Variants in LYPLA1 observed in about 807,000 individuals in gnomAD.
The protein encoded by LYPLA1 is lysophospholipase 1.
A neutral mutation model predicts 34.0 loss-of-function variants in LYPLA1; 17 were observed. The ratio of observed to expected loss-of-function variants is 0.50; its 90% CI spans 0.34 to 0.75. The LOEUF is 0.75. Among genes scored for constraint, LYPLA1 ranks in the 30% least tolerant of loss-of-function variants. The pLI is 0.01. For synonymous variants in LYPLA1, 98 were observed against 100.8 expected (o/e 0.97, Z 0.17); for missense variants, 203 against 288.8 (o/e 0.70, Z 2.15).
chr8:54,070,544 T>G (rs1018224608), intron 2 of LYPLA1, among the ~76,000 whole-genome samples: 5 of 152,048 alleles, frequency 3.3e-5, no homozygotes, highest in African/African-American at 4.8e-5. Context: ...GTCAACATGG[T>G]GAAACCTGTC....
chr8:54,049,231 C>T (rs552522531), intron 8 of LYPLA1, among the ~76,000 whole-genome samples: 3 of 152,354 alleles, frequency 2.0e-5, no homozygotes, highest in African/African-American at 7.2e-5. Flanking sequence ...GACTATCTCA[C>T]TAGGAATCAA....
intron 2 of LYPLA1, among the ~76,000 whole-genome samples, chr8:54,099,917 C>CA (rs1265788634): frequency 6.6e-6 from 1 of 152,074 alleles, no homozygotes. Context: ...CTCTTGACAT[C>CA]AAGTGAACTA....
At chr8:54,070,623 TGAGGTAGAA>T (rs1387878278) in intron 2 of LYPLA1, among the ~76,000 whole-genome samples, 1 of 152,072 alleles carries the variant, frequency 6.6e-6, no homozygotes, top group Non-Finnish European at 1.5e-5. Flanking sequence ...CTGGGGAGAC[TGAGGTAGAA>T]GAATCACTCA....
At chr8:54,067,271 G>A (rs1807135945) in intron 2 of LYPLA1, among the ~76,000 whole-genome samples, 1 of 152,120 alleles carries the variant, frequency 6.6e-6, no homozygotes, top group Admixed American at 6.5e-5. Flanking sequence ...TGAGGTAGGA[G>A]GACAGCTTGA....
At chr8:54,090,460 T>G (rs1294717181) in intron 2 of LYPLA1, among the ~76,000 whole-genome samples, 1 of 152,238 alleles carries the variant, frequency 6.6e-6, no homozygotes, top group Non-Finnish European at 1.5e-5. Flanking sequence ...TATACTGTAC[T>G]TCTACATACA....
intron 2 of LYPLA1, among the ~76,000 whole-genome samples, chr8:54,096,253 T>C (rs993189095): frequency 5.3e-5 from 8 of 152,180 alleles, no homozygotes; most frequent in African/African-American, 1.9e-4. Flanking sequence ...TTATTTAAAA[T>C]GAAAAGTTAA....
intron 2 of LYPLA1, among the ~76,000 whole-genome samples, chr8:54,087,747 A>G (rs978359416): frequency 4.6e-5 from 7 of 152,252 alleles, no homozygotes; most frequent in African/African-American, 7.2e-5. Flanking sequence ...CAAATGGCCA[A>G]TAAGGATGTT....
rs1805492514 is a variant in LYPLA1, at chr8:54,046,443, A to G, written c.*1622T>C. The G allele has an allele frequency of 6.5e-6, 1 of 152,792 alleles. No individual in the cohort carries two copies. Among genetic ancestry groups the G allele is most frequent in the African/African-American group, 2.4e-5 (1 of 41,594 alleles). The allele number at this position is 152,792 out of a possible 1,614,324, so 9.5% of individuals were successfully genotyped here. A position where few individuals can be genotyped will look rare whatever the true frequency, so the allele number is the denominator to read the frequency against. ...AAACATTTACACTTTCCCATGTTACAGCACAATATTTCAATGGAATATTTC... is the reference window on the plus strand; with the variant it reads ...AAACATTTACACTTTCCCATGTTACGGCACAATATTTCAATGGAATATTTC... On this transcript the variant is annotated 3_prime_UTR_variant, in exon 9 of 9. Transcript: ENST00000316963.
chr8:54,049,772 C>T (rs7822750), intron 8 of LYPLA1, among the ~76,000 whole-genome samples: 19,128 of 152,064 alleles, frequency 0.13, 3,186 homozygotes, highest in African/African-American at 0.39. Context: ...TTCCTGTTTA[C>T]CAAAACTTTT....
At chr8:54,095,321 G>A (rs1586183186) in intron 2 of LYPLA1, among the ~76,000 whole-genome samples, 1 of 152,072 alleles carries the variant, frequency 6.6e-6, no homozygotes, top group East Asian at 1.9e-4. Flanking sequence ...TTAATTAAAA[G>A]ACCATATTTT....
At chr8:54,054,337 A>G (rs1485906893) in intron 6 of LYPLA1, 1 of 152,886 alleles carries the variant, frequency 6.5e-6, no homozygotes, top group Non-Finnish European at 1.5e-5. Flanking sequence ...TACAATATAC[A>G]TTATCTGTGA....
intron 3 of LYPLA1, 74 bp downstream of exon 3, chr8:54,065,674 C>T: frequency 9.3e-7 from 1 of 1,079,514 alleles, no homozygotes; most frequent in East Asian, 2.4e-5. Flanking sequence ...AAATACTTTT[C>T]TGGAAGGGTA....
intron 2 of LYPLA1, among the ~76,000 whole-genome samples, chr8:54,080,331 T>C (rs567443348): frequency 6.6e-6 from 1 of 152,284 alleles, no homozygotes; most frequent in South Asian, 2.1e-4. Flanking sequence ...CACTCCAGCC[T>C]GGGCAACAAA....
At chr8:54,087,398 C>T (rs1169346990) in intron 2 of LYPLA1, among the ~76,000 whole-genome samples, 6 of 152,070 alleles carry the variant, frequency 3.9e-5, no homozygotes, top group Non-Finnish European at 1.5e-5. Flanking sequence ...CCCGGGAAGC[C>T]GAGGCAGAAG....
At chr8:54,058,616 GTC>G (rs113146082) in intron 5 of LYPLA1, among the ~76,000 whole-genome samples, 73 of 147,954 alleles carry the variant, frequency 4.9e-4, no homozygotes, top group Non-Finnish European at 5.6e-4. Flanking sequence ...CTCTGTCTCT[GTC>G]TCTCTCTCTC....
At chr8:54,071,635 A>G (rs1448163231) in intron 2 of LYPLA1, among the ~76,000 whole-genome samples, 1 of 152,172 alleles carries the variant, frequency 6.6e-6, no homozygotes, top group Non-Finnish European at 1.5e-5. Flanking sequence ...GTGAGTTACA[A>G]TTGCCACAAA....
intron 2 of LYPLA1, chr8:54,100,527 C>T (rs966941796): frequency 2.0e-5 from 5 of 248,788 alleles, no homozygotes; most frequent in African/African-American, 9.4e-5. Context: ...CCTTATGTTG[C>T]CACTAGTTCT....
chr8:54,093,273 G>A (rs1809446536), intron 2 of LYPLA1, among the ~76,000 whole-genome samples: 1 of 152,212 alleles, frequency 6.6e-6, no homozygotes, highest in African/African-American at 2.4e-5. Context: ...TGAAACCTCG[G>A]AATGTGACTT....
intron 8 of LYPLA1, among the ~76,000 whole-genome samples, chr8:54,049,967 C>G (rs772384096): frequency 2.0e-5 from 3 of 152,192 alleles, no homozygotes; most frequent in African/African-American, 7.2e-5. Context: ...CCTTCCCACT[C>G]TGAAATTCTC....
Sources: allele counts gnomAD v4.1 joint callset (sites outside exome capture counted in the v4.1 genomes callset), GRCh38; gene constraint gnomAD v4.1.1; transcripts MANE v1.5; gene names NCBI Gene and HGNC (gene_info 2026-07-23, HGNC 2026-07-21).